The following FMN2 variants were observed in gnomAD, a reference collection of about 807,000 sequenced individuals.
FMN2 encodes formin 2, also known as formin-2.
In FMN2, 51 loss-of-function variants were observed where a neutral mutation model predicts 142.3. The observed-to-expected ratio is 0.36, with a 90% CI of 0.29 to 0.45. The LOEUF (loss-of-function observed/expected upper bound fraction) is 0.45. Among genes scored for constraint, FMN2 ranks in the 20% least tolerant of loss-of-function variants. The pLI is 1.00. For synonymous variants in FMN2, 882 were observed against 869.8 expected (o/e 1.01, Z -0.25); for missense variants, 1,936 against 2,122.8 (o/e 0.91, Z 1.73).
intron 14 of FMN2, among the ~76,000 whole-genome samples, chr1:240,366,228 A>G (rs1357898845): frequency 6.6e-6 from 1 of 152,174 alleles, no homozygotes; most frequent in Non-Finnish European, 1.5e-5. Flanking sequence ...CAGCTCTTCC[A>G]TTTATCTTTC....
intron 14 of FMN2, among the ~76,000 whole-genome samples, chr1:240,372,184 C>G (rs184855065): frequency 2.0e-4 from 30 of 152,168 alleles, no homozygotes; most frequent in African/African-American, 7.2e-4. Context: ...TTCAGTAAGC[C>G]GAGATCACGT....
At chr1:240,341,185 G>A (rs1671729211) in intron 13 of FMN2, among the ~76,000 whole-genome samples, 1 of 151,988 alleles carries the variant, frequency 6.6e-6, no homozygotes. Flanking sequence ...GATATCTAAT[G>A]TTTTTATCAT....
Position 240,141,617 on chromosome 1 carries a change from A to C in FMN2, c.1782+18272A>C, listed in dbSNP as rs1571974579. Reference sequence around the variant, plus strand: ...ACTCCTGACCTCAGGTAATCTGCCCACCTTGACCTCCCGAAGTGCTGGGAT... The same window carrying C: ...ACTCCTGACCTCAGGTAATCTGCCCCCCTTGACCTCCCGAAGTGCTGGGAT... On this transcript the variant is annotated intron_variant, in intron 2 of 17. Coordinates refer to ENST00000319653, the MANE Select transcript of FMN2 (RefSeq NM_020066.5). Among the ~76,000 whole-genome samples, 2 of 152,184 alleles carry C rather than the reference A, an allele frequency of 1.3e-5. 1 individual carries two copies.
intron 2 of FMN2, among the ~76,000 whole-genome samples, chr1:240,126,629 A>G (rs896525831): frequency 6.6e-6 from 1 of 152,196 alleles, no homozygotes; most frequent in African/African-American, 2.4e-5. Context: ...TTTCTCTTAC[A>G]TTTTAATATG....
chr1:240,388,879 G>GC (rs1005184077), intron 14 of FMN2, among the ~76,000 whole-genome samples: 1 of 144,852 alleles, frequency 6.9e-6, no homozygotes, highest in African/African-American at 2.8e-5. Context: ...AAAAAAAAAG[G>GC]GGGGGGGTCA....
chr1:240,400,062 C>T lies in FMN2; in HGVS notation c.4910+7500C>T, dbSNP rs140366725. Among the ~76,000 whole-genome samples the T allele has an allele frequency of 2.8e-3, 429 of 152,208 alleles. 1 individual carries two copies. Among genetic ancestry groups the T allele is most frequent in the African/African-American group, 9.3e-3 (387 of 41,530 alleles). On this transcript the variant is annotated intron_variant, in intron 15 of 17. Coordinates refer to ENST00000319653, the MANE Select transcript of FMN2 (RefSeq NM_020066.5). ...TCTAGATGGAGAGCAGTTGAGAGGG[C>T]GTTCGCAGCTCCATGATACAGCAGC...
intron 2 of FMN2, among the ~76,000 whole-genome samples, chr1:240,138,233 C>A (rs1019155345): frequency 6.6e-6 from 1 of 151,712 alleles, no homozygotes; most frequent in Admixed American, 6.6e-5. Context: ...TGGTCAGTCG[C>A]GTGTTTTAGA....
intron 1 of FMN2, among the ~76,000 whole-genome samples, chr1:240,106,283 G>A (rs1330246798): frequency 1.3e-5 from 2 of 152,028 alleles, no homozygotes; most frequent in East Asian, 1.9e-4. Context: ...GGCTTCATAT[G>A]TAGTCTGTGT....
At chr1:240,430,882 C>A (rs114554342) in intron 15 of FMN2, among the ~76,000 whole-genome samples, 323 of 151,422 alleles carry the variant, frequency 2.1e-3, no homozygotes, top group Middle Eastern at 3.4e-3. Context: ...CAATGTAAGT[C>A]CTTCACCTAT....
Position 240,228,794 on chromosome 1 carries a change from T to A in FMN2, c.4065+17559T>A, listed in dbSNP as rs1230889436. Reference sequence around the variant, plus strand: ...ACCTCAAAAAACCTTAAGATAAACTTTTTTTTCCCTAAAAATAAATGGTCA... The same window carrying A: ...ACCTCAAAAAACCTTAAGATAAACTATTTTTTCCCTAAAAATAAATGGTCA... On this transcript the variant is annotated intron_variant, in intron 6 of 17. Coordinates refer to ENST00000319653, the MANE Select transcript of FMN2 (RefSeq NM_020066.5). Among the ~76,000 whole-genome samples, 3 of 151,630 alleles carry A rather than the reference T, an allele frequency of 2.0e-5. No individual in the cohort carries two copies. In the East Asian group the frequency reaches 5.8e-4, roughly 29 times the overall value.
intron 15 of FMN2, among the ~76,000 whole-genome samples, chr1:240,411,945 C>T (rs773505776): frequency 7.2e-5 from 11 of 151,832 alleles, no homozygotes; most frequent in Non-Finnish European, 1.0e-4. Context: ...ATGTGGCAGG[C>T]GGCTGAACTT....
chr1:240,295,612 G>A (rs1188757327), intron 8 of FMN2, among the ~76,000 whole-genome samples: 1 of 151,974 alleles, frequency 6.6e-6, no homozygotes, highest in East Asian at 1.9e-4. Flanking sequence ...CTTTTTTATG[G>A]GTGAATAATA....
Position 240,291,134 on chromosome 1 carries a change from G to A in FMN2, c.4154-3688G>A, listed in dbSNP as rs141220664. ...CAGCTGGAGTGATTAGTAACACGTG[G>A]TCATTTGTAGGTTGTTTAAAGGAAG... On this transcript the variant is annotated intron_variant, in intron 7 of 17. Coordinates refer to ENST00000319653, the MANE Select transcript of FMN2 (RefSeq NM_020066.5). Among the ~76,000 whole-genome samples, 116 of 152,158 alleles carry A rather than the reference G, an allele frequency of 7.6e-4. 2 individuals carry two copies. In the East Asian group the frequency reaches 0.019, roughly 24 times the overall value.
At chr1:240,157,514 G>A (rs1664072157) in intron 2 of FMN2, among the ~76,000 whole-genome samples, 1 of 151,912 alleles carries the variant, frequency 6.6e-6, no homozygotes, top group Non-Finnish European at 1.5e-5. Context: ...GTTATCTGAA[G>A]GTGAAACCAG....
At chr1:240,097,147 A>G (rs1661227239) in intron 1 of FMN2, among the ~76,000 whole-genome samples, 1 of 151,876 alleles carries the variant, frequency 6.6e-6, no homozygotes. Context: ...CTTTTTTTTT[A>G]AACACATGGA....
intron 6 of FMN2, among the ~76,000 whole-genome samples, chr1:240,250,854 A>C (rs1037781474): frequency 2.8e-4 from 42 of 151,678 alleles, no homozygotes; most frequent in Non-Finnish European, 8.8e-5. Context: ...TTTCCTCTAG[A>C]TTTTCCAGTA....
intron 14 of FMN2, among the ~76,000 whole-genome samples, chr1:240,391,585 G>A (rs114028871): frequency 0.028 from 4,176 of 149,526 alleles, 199 homozygotes; most frequent in African/African-American, 0.096. Flanking sequence ...CTTTTTTTTT[G>A]TCCTGTTACT....
chr1:240,377,469 T>G (rs1673084799), intron 14 of FMN2, among the ~76,000 whole-genome samples: 1 of 152,218 alleles, frequency 6.6e-6, no homozygotes, highest in South Asian at 2.1e-4. Flanking sequence ...TTGTAATTTC[T>G]TCAGGTCAGA....
rs953279132 is a variant in FMN2 at position 240,126,771 on chromosome 1, G to A, written c.1782+3426G>A. ...TTAGGCTCTGGAGATGTGTTAGTGA[G>A]CAAGAGAATGTGTTCTGTTGAAATG... On this transcript the variant is annotated intron_variant, in intron 2 of 17. Coordinates refer to ENST00000319653, the MANE Select transcript of FMN2 (RefSeq NM_020066.5). Among the ~76,000 whole-genome samples, 4 of 152,180 alleles carry A rather than the reference G, an allele frequency of 2.6e-5. No homozygotes were observed. The East Asian group carries it at 7.7e-4, about 29-fold the overall frequency.
Sources: gnomAD v4.1 joint callset for allele counts (sites outside exome capture counted in the v4.1 genomes callset) on GRCh38, gnomAD v4.1.1 for gene constraint, MANE v1.5 for transcripts, NCBI Gene and HGNC (gene_info 2026-07-23, HGNC 2026-07-21) for gene names.